CFAP298: variants seen among roughly 807,000 people sequenced by gnomAD.
CFAP298 encodes cilia and flagella associated protein 298.
A neutral mutation model predicts 41.0 loss-of-function variants in CFAP298; 38 were observed. The ratio of observed to expected loss-of-function variants is 0.93; its 90% CI spans 0.72 to 1.22. The LOEUF (loss-of-function observed/expected upper bound fraction) is 1.22, where lower values mean the gene tolerates loss of function less well. Among genes scored for constraint, CFAP298 ranks in the 50% most tolerant of loss-of-function variants. The probability of loss-of-function intolerance (pLI) is 0.00; values close to 1 mark genes in which losing one functional copy is unlikely to be tolerated. For missense variants in CFAP298, 348 were observed against 360.3 expected, an observed-to-expected ratio of 0.97 and a Z score of 0.28; for synonymous variants, 137 against 135.3, an observed-to-expected ratio of 1.01 and a Z score of -0.09.
intron 2 of CFAP298, among the ~76,000 whole-genome samples, chr21:32,609,500 C>G (rs1192994031): frequency 6.6e-6 from 1 of 152,232 alleles, no homozygotes; most frequent in Non-Finnish European, 1.5e-5. Flanking sequence ...ACTGCTTTCT[C>G]ACACCTGTAA....
Position 32,602,780 on chromosome 21 carries a change from C to CA in CFAP298, c.666+380dup. 3 of 1,333,332 alleles carry CA rather than the reference C, an allele frequency of 2.3e-6. No homozygotes were observed. In the East Asian group the frequency reaches 9.7e-5, roughly 43 times the overall value. 82.6% of individuals were successfully genotyped at this position (1,333,332 alleles called of 1,614,324 possible). A position where few individuals can be genotyped will look rare whatever the true frequency, so the allele number is the denominator to read the frequency against. ...GGTTACAGCGCTACACGATGTCCTT[C>CA]AAAGGTCTCGAACCTTTCCTCCTCC... On this transcript the variant is annotated intron_variant, in intron 5 of 6. Transcript: ENST00000290155.
chr21:32,602,977 C>T, intron 5 of CFAP298, 184 bp downstream of exon 5: 1 of 1,026,856 alleles, frequency 9.7e-7, no homozygotes, highest in Non-Finnish European at 1.4e-6. Context: ...TATTGGTACT[C>T]AATCCATATT....
At chr21:32,602,634 G>A in intron 5 of CFAP298, 1 of 1,291,066 alleles carries the variant, frequency 7.7e-7, no homozygotes, top group Non-Finnish European at 9.8e-7. Flanking sequence ...GGCAGGTCCA[G>A]TGGGAAAGGG....
At chr21:32,611,360 AC>A (rs1284558450) in intron 1 of CFAP298, among the ~76,000 whole-genome samples, 2 of 143,432 alleles carry the variant, frequency 1.4e-5, no homozygotes, top group African/African-American at 5.3e-5. Flanking sequence ...ATTTATATAT[AC>A]ATATATATAA....
At chr21:32,607,260 G>A (rs1332984493) in intron 3 of CFAP298, among the ~76,000 whole-genome samples, 1 of 152,124 alleles carries the variant, frequency 6.6e-6, no homozygotes, top group Non-Finnish European at 1.5e-5. Flanking sequence ...GGCTGGCTGA[G>A]AGGCAACTCT....
At chr21:32,604,812 C>T (rs1463927733) in intron 3 of CFAP298, among the ~76,000 whole-genome samples, 9 of 152,186 alleles carry the variant, frequency 5.9e-5, no homozygotes, top group African/African-American at 1.9e-4. Flanking sequence ...TCTGTTAGGC[C>T]ACGGGAAGCG....
chr21:32,612,228 C>T lies in CFAP298; in HGVS notation c.16G>A (p.Val6Met), dbSNP rs757272660. The change falls in exon 1 of 7, where the codon GTG (valine) becomes ATG (methionine). Residue 6 changes from valine to methionine, a missense_variant. Val to Met is a conservative substitution (Grantham distance 21). Transcript: ENST00000290155. MVLLH[V>M]KRGDESQFLL... Reference sequence around the variant, plus strand: ...AACTGGCTCTCGTCGCCCCGCTTCACGTGCAGCAGAACCATGGCGGTCCCG... The same window carrying T: ...AACTGGCTCTCGTCGCCCCGCTTCATGTGCAGCAGAACCATGGCGGTCCCG... The T allele has an allele frequency of 6.2e-7, 1 of 1,606,498 alleles. No homozygotes were observed. Among genetic ancestry groups the T allele is most frequent in the Non-Finnish European group, 8.5e-7 (1 of 1,176,130 alleles).
intron 3 of CFAP298, among the ~76,000 whole-genome samples, chr21:32,605,718 G>C (rs1024891290): frequency 2.6e-5 from 4 of 152,176 alleles, no homozygotes; most frequent in Non-Finnish European, 4.4e-5. Context: ...GGGACCTCAC[G>C]TGCAGCTGGT....
chr21:32,602,977 C>G, intron 5 of CFAP298, 184 bp downstream of exon 5: 1 of 1,026,856 alleles, frequency 9.7e-7, no homozygotes, highest in Non-Finnish European at 1.4e-6. Flanking sequence ...TATTGGTACT[C>G]AATCCATATT....
intron 2 of CFAP298, 56 bp downstream of exon 2, chr21:32,609,782 G>A: frequency 7.0e-7 from 1 of 1,435,368 alleles, no homozygotes; most frequent in South Asian, 1.3e-5. Context: ...AAAAGGAACT[G>A]TTTTCATACT....
At position 32,602,260 on chromosome 21, in the gene CFAP298, G is replaced by A; in HGVS notation, c.762+12C>T. On this transcript the variant is annotated intron_variant, in intron 6 of 6. Coordinates refer to ENST00000290155, the MANE Select transcript of CFAP298 (RefSeq NM_021254.4). ...CGCCAGCACTGCAGAAAGCCCATCTGTCCCCTGCTACCTTGAGCTCCTCTT... is the reference window on the plus strand; with the variant it reads ...CGCCAGCACTGCAGAAAGCCCATCTATCCCCTGCTACCTTGAGCTCCTCTT... 6.2e-7 allele frequency: 1 copy of A among 1,613,170 alleles called. No individual in the cohort carries two copies. The highest frequency in any genetic ancestry group is 8.5e-7 in the Non-Finnish European group (1 of 1,179,378).
At position 32,601,235 on chromosome 21, in the gene CFAP298, AT is replaced by A. The variant is rs1288898923; in HGVS notation, c.*627del. On this transcript the variant is annotated 3_prime_UTR_variant, in exon 7 of 7. Transcript: ENST00000290155. Reference sequence around the variant, plus strand: ...ACTGCCAGTCATCAGCTTTCCTCCAATAAACCAGTTATCATGAGAATATAAA... The same window carrying A: ...ACTGCCAGTCATCAGCTTTCCTCCAAAAACCAGTTATCATGAGAATATAAA... Among the ~76,000 whole-genome samples the A allele has an allele frequency of 6.6e-6, 1 of 152,052 alleles. No individual in the cohort carries two copies. The highest frequency in any genetic ancestry group is 3.2e-3 in the Middle Eastern group (1 of 314).
intron 4 of CFAP298, 132 bp from the exon 5 acceptor site, chr21:32,603,424 C>T (rs2038799130): frequency 2.3e-6 from 2 of 867,460 alleles, no homozygotes; most frequent in East Asian, 2.6e-5. Context: ...GACTCCCGCA[C>T]CTCACTCTAA....
rs2038748370 is a variant in CFAP298 at position 32,601,892 on chromosome 21, C to T, written c.844G>A (p.Val282Met). The change falls in exon 7 of 7, where the codon GTG (valine) becomes ATG (methionine). Residue 282 changes from valine (V) to methionine (M), a missense_variant. Coordinates refer to ENST00000290155, the MANE Select transcript of CFAP298 (RefSeq NM_021254.4). ...NTALKRHFHG[V>M]KDIKWRPR Reference sequence around the variant, plus strand: ...CTTGGTCTCCACTTTATGTCTTTCACTCCATGAAAATGTCTTTTCAAAGCA... The same window carrying T: ...CTTGGTCTCCACTTTATGTCTTTCATTCCATGAAAATGTCTTTTCAAAGCA... 6.2e-7 allele frequency: 1 copy of T among 1,611,238 alleles called. No individual in the cohort carries two copies. The highest frequency in any genetic ancestry group is 1.3e-5 in the African/African-American group (1 of 74,740).
At chr21:32,603,829 T>G (rs1331693037) in intron 4 of CFAP298, among the ~76,000 whole-genome samples, 1 of 152,012 alleles carries the variant, frequency 6.6e-6, no homozygotes, top group Non-Finnish European at 1.5e-5. Flanking sequence ...TAGGAAGAAA[T>G]TAGGTAGCTG....
In CFAP298 at chr21:32,604,309, T is replaced by C. The variant is rs769786971; in HGVS notation, c.376-26A>G. On this transcript the variant is annotated intron_variant, in intron 3 of 6. Coordinates refer to ENST00000290155, the MANE Select transcript of CFAP298 (RefSeq NM_021254.4). ...CTGCAAGCAGAAAGCCATCGTTATC[T>C]ACAGTGTGGCTAATCACTTCCATAA... is the stretch of plus-strand genomic sequence containing the variant. 79 of 1,613,350 alleles carry C rather than the reference T, an allele frequency of 4.9e-5. 1 individual carries two copies. The Middle Eastern group carries it at 1.5e-3, about 30-fold the overall frequency.
rs191189362 is a variant in CFAP298, at chr21:32,607,829, C to T, written c.308-113G>A. ...GGGGTAAATGAACTGAGAGAGAGTG[C>T]GAGTGTGGAATTTAGGGAAGAGAAG... On this transcript the variant is annotated intron_variant, in intron 2 of 6. Transcript: ENST00000290155. 211 of 654,470 alleles carry T rather than the reference C, an allele frequency of 3.2e-4. 2 individuals carry two copies. The highest frequency in any genetic ancestry group is 2.8e-3 in the South Asian group (147 of 52,386). 40.5% of individuals were successfully genotyped at this position (654,470 alleles called of 1,614,324 possible). A position where few individuals can be genotyped will look rare whatever the true frequency, so the allele number is the denominator to read the frequency against.
intron 2 of CFAP298, among the ~76,000 whole-genome samples, chr21:32,609,465 C>T (rs759135980): frequency 1.3e-5 from 2 of 152,108 alleles, no homozygotes; most frequent in Admixed American, 6.6e-5. Flanking sequence ...AGAGAAATGA[C>T]GAGGTCAATT....
At chr21:32,602,925 T>C (rs965298807) in intron 5 of CFAP298, 15 of 1,129,172 alleles carry the variant, frequency 1.3e-5, no homozygotes, top group African/African-American at 6.3e-5. Flanking sequence ...GAAATTAACA[T>C]AGTATATTTC....
Sources: allele counts gnomAD v4.1 joint callset (sites outside exome capture counted in the v4.1 genomes callset), GRCh38; gene constraint gnomAD v4.1.1; transcripts MANE v1.5; gene names NCBI Gene and HGNC (gene_info 2026-07-23, HGNC 2026-07-21).